SNX9: variants seen among roughly 807,000 people sequenced by gnomAD.
SNX9 encodes sorting nexin 9.
A neutral mutation model predicts 89.4 loss-of-function variants in SNX9; 44 were observed. That is an observed-to-expected ratio of 0.49 (90% CI 0.39 to 0.63). SNX9 has a LOEUF of 0.63. SNX9 is among the 30% of genes least tolerant of loss of function. SNX9 has a pLI of 0.00. For missense variants in SNX9, 578 were observed against 736.1 expected, an observed-to-expected ratio of 0.79 and a Z score of 2.49; for synonymous variants, 236 against 247.8, an observed-to-expected ratio of 0.95 and a Z score of 0.45.
chr6:157,942,831 T>G lies in SNX9; in HGVS notation c.1781T>G (p.Val594Gly). Residue 594 changes from valine (V) to glycine (G), a missense_variant, in exon 18 of 18, where the codon GTG becomes GGG. Val to Gly is a moderately radical substitution (Grantham distance 109). Around this residue, in one of 2 missense-constraint regions of SNX9, gnomAD observed 348 missense variants for 491.4 expected, o/e 0.71. Coordinates refer to ENST00000392185, the MANE Select transcript of SNX9 (RefSeq NM_016224.5). Reference sequence around the variant, plus strand: ...AGGCAGGCCCTCAGCCGCTTTCCAGTGATGTAGGACAGAACGGGCCTTGAA... The same window carrying G: ...AGGCAGGCCCTCAGCCGCTTTCCAGGGATGTAGGACAGAACGGGCCTTGAA... ...KLRQALSRFP[V>G]M is the part of the protein sequence containing the mutation. The G allele has an allele frequency of 6.2e-7, 1 of 1,613,910 alleles. No homozygotes were observed. The highest frequency in any genetic ancestry group is 8.5e-7 in the Non-Finnish European group (1 of 1,179,934).
chr6:157,824,060 G>T (rs1436836876), intron 1 of SNX9, among the ~76,000 whole-genome samples: 4 of 152,250 alleles, frequency 2.6e-5, no homozygotes, highest in Non-Finnish European at 5.9e-5. Flanking sequence ...GGCATTGCCG[G>T]CATGAATAAA....
Position 157,875,171 on chromosome 6 carries a change from C to A in SNX9, c.295C>A (p.His99Asn). Reference protein sequence around the residue: ...QASSSAASNNHQVGSGNDPWS... With the variant: ...QASSSAASNNNQVGSGNDPWS... ...CAGTTCGTCGGCTGCCAGCAACAAT[C>A]ACCAGGTACGTCTCACTTCCTCCTT... Residue 99 changes from histidine (H) to asparagine (N), a missense_variant, in exon 4 of 18, where the codon CAC becomes AAC. Around this residue, in one of 2 missense-constraint regions of SNX9, gnomAD observed 230 missense variants for 244.7 expected, o/e 0.94. Transcript: ENST00000392185. 6.2e-7 allele frequency: 1 copy of A among 1,608,452 alleles called. No homozygotes were observed. The highest frequency in any genetic ancestry group is 8.5e-7 in the Non-Finnish European group (1 of 1,177,092).
At chr6:157,913,765 G>A (rs565686696) in intron 9 of SNX9, among the ~76,000 whole-genome samples, 87 of 152,296 alleles carry the variant, frequency 5.7e-4, no homozygotes, top group Non-Finnish European at 1.1e-3. Context: ...ATAGTCTTTC[G>A]AGTCTGACTG....
intron 4 of SNX9, among the ~76,000 whole-genome samples, chr6:157,894,739 G>A (rs1782944739): frequency 6.6e-6 from 1 of 152,222 alleles, no homozygotes; most frequent in South Asian, 2.1e-4. Flanking sequence ...ACAGTTGTCA[G>A]AATGTGGGAA....
intron 2 of SNX9, among the ~76,000 whole-genome samples, chr6:157,872,384 G>A (rs2115139483): frequency 6.6e-6 from 1 of 152,152 alleles, no homozygotes; most frequent in African/African-American, 2.4e-5. Flanking sequence ...CACTTTTTCT[G>A]CATAACAATC....
intron 1 of SNX9, among the ~76,000 whole-genome samples, chr6:157,843,871 T>TG (rs1781749924): frequency 6.8e-6 from 1 of 146,604 alleles, no homozygotes; most frequent in Admixed American, 6.7e-5. Flanking sequence ...TTCCCATTTG[T>TG]CTTTTTTTTT....
At position 157,938,750 on chromosome 6, in the gene SNX9, A is replaced by G; in HGVS notation, c.1648+3A>G. ...CATCATGTCTTACGCGTTGCAAGGT[A>G]AGATGAAAGGGTCCTTATGAGGTGC... On this transcript the variant is annotated splice_donor_region_variant and intron_variant, in intron 16 of 17. Transcript: ENST00000392185. The G allele has an allele frequency of 2.5e-6, 4 of 1,610,388 alleles. No homozygotes were observed. In the South Asian group the frequency reaches 3.3e-5, roughly 13 times the overall value.
At chr6:157,907,953 T>C (rs2115177009) in intron 7 of SNX9, among the ~76,000 whole-genome samples, 1 of 152,360 alleles carries the variant, frequency 6.6e-6, no homozygotes, top group African/African-American at 2.4e-5. Flanking sequence ...ATCTGGGCTC[T>C]CCCTGAGGGG....
intron 9 of SNX9, among the ~76,000 whole-genome samples, chr6:157,910,922 C>A (rs1346749042): frequency 6.6e-6 from 1 of 152,054 alleles, no homozygotes; most frequent in East Asian, 1.9e-4. Context: ...GAGATCGAGA[C>A]CATCCAGGCT....
chr6:157,848,803 A>G (rs1191280750), intron 1 of SNX9, among the ~76,000 whole-genome samples: 3 of 152,224 alleles, frequency 2.0e-5, no homozygotes, highest in African/African-American at 7.2e-5. Flanking sequence ...GGGTAGTGTT[A>G]TAAGGCCGTC....
chr6:157,919,537 C>T (rs1303616067), intron 9 of SNX9, among the ~76,000 whole-genome samples: 2 of 152,104 alleles, frequency 1.3e-5, no homozygotes, highest in Non-Finnish European at 2.9e-5. Context: ...CTTTCAACTC[C>T]AGAATTTCCA....
intron 1 of SNX9, among the ~76,000 whole-genome samples, chr6:157,852,894 T>C (rs144790289): frequency 1.3e-5 from 2 of 152,298 alleles, no homozygotes; most frequent in East Asian, 1.9e-4. Flanking sequence ...GTCATACATT[T>C]TATTTCCCAG....
At chr6:157,894,807 A>G (rs1782946625) in intron 4 of SNX9, among the ~76,000 whole-genome samples, 1 of 152,232 alleles carries the variant, frequency 6.6e-6, no homozygotes, top group Admixed American at 6.5e-5. Flanking sequence ...CTAAATACAC[A>G]GTCTCCTTAA....
chr6:157,902,013 T>C lies in SNX9; in HGVS notation c.588T>C (p.Ala196=). ...GCGCTCAGCGAGGAAACAGTCGTGCTAGTTCCTCATCCATGAAAATTCCCC... is the reference window on the plus strand; with the variant it reads ...GCGCTCAGCGAGGAAACAGTCGTGCCAGTTCCTCATCCATGAAAATTCCCC... ...AGGAQRGNSR[A]SSSSMKIPLN... Residue 196 remains alanine, a synonymous_variant, in exon 6 of 18, where the codon GCT becomes GCC. Coordinates refer to ENST00000392185, the MANE Select transcript of SNX9 (RefSeq NM_016224.5). 1 of 1,613,810 alleles carries C rather than the reference T, an allele frequency of 6.2e-7. No individual in the cohort carries two copies.
chr6:157,881,360 C>T (rs1427248144), intron 4 of SNX9, among the ~76,000 whole-genome samples: 1 of 152,106 alleles, frequency 6.6e-6, no homozygotes, highest in East Asian at 1.9e-4. Flanking sequence ...TCGTCTTTCT[C>T]CCTCTCCTTG....
At chr6:157,839,605 G>C (rs1781654805) in intron 1 of SNX9, among the ~76,000 whole-genome samples, 1 of 152,190 alleles carries the variant, frequency 6.6e-6, no homozygotes, top group African/African-American at 2.4e-5. Flanking sequence ...TTGCTTTTCT[G>C]TAATAATTTA....
Position 157,865,006 on chromosome 6 carries a change from A to G in SNX9, c.13-2541A>G, listed in dbSNP as rs373038670. On this transcript the variant is annotated intron_variant, in intron 1 of 17. Coordinates refer to ENST00000392185, the MANE Select transcript of SNX9 (RefSeq NM_016224.5). ...CTTGCCACTGCACTTTAGCCTGGCG[A>G]CAGAGAGAGACTCTGGCTCAAACAA... is the stretch of plus-strand genomic sequence containing the variant. Among the ~76,000 whole-genome samples the G allele has an allele frequency of 2.7e-5, 4 of 150,698 alleles. No homozygotes were observed. The South Asian group carries it at 8.4e-4, about 32-fold the overall frequency.
intron 9 of SNX9, among the ~76,000 whole-genome samples, chr6:157,914,565 C>T (rs571483697): frequency 6.7e-6 from 1 of 148,422 alleles, no homozygotes; most frequent in African/African-American, 2.5e-5. Flanking sequence ...CAACCTTGAC[C>T]TCCCGGGCTC....
intron 6 of SNX9, among the ~76,000 whole-genome samples, chr6:157,903,379 C>T (rs1223655729): frequency 6.6e-6 from 1 of 152,180 alleles, no homozygotes; most frequent in East Asian, 1.9e-4. Flanking sequence ...AATGAGTTCT[C>T]TTTTGACTGC....
Sources: gnomAD v4.1 joint callset for allele counts (sites outside exome capture counted in the v4.1 genomes callset) on GRCh38, gnomAD v4.1.1 for gene constraint, gnomAD v4.1.1 regional missense constraint, MANE v1.5 for transcripts, NCBI Gene and HGNC (gene_info 2026-07-23, HGNC 2026-07-21) for gene names.